CABLES1: variants seen among roughly 807,000 people sequenced by gnomAD.
The protein encoded by CABLES1 is CDK5 and ABL1 enzyme substrate 1.
Under a neutral mutation model 57.8 loss-of-function variants are expected in CABLES1, and 36 were observed. That is an observed-to-expected ratio of 0.62 (90% CI 0.48 to 0.82). The LOEUF (loss-of-function observed/expected upper bound fraction) is 0.82. CABLES1 is among the 40% of genes least tolerant of loss of function. The probability of loss-of-function intolerance (pLI) is 0.00; values close to 1 mark genes in which losing one functional copy is unlikely to be tolerated. For synonymous variants in CABLES1, 374 were observed against 363.0 expected (o/e 1.03, Z -0.35); for missense variants, 767 against 836.6 (o/e 0.92, Z 1.03).
chr18:23,151,295 T>C lies in CABLES1; in HGVS notation c.845+14688T>C, dbSNP rs138217340. Reference sequence around the variant, plus strand: ...GGCCTCCCAAAGTGCTGGGATTACATGCGTGAGCCACTGTGCCGGGCCTCC... The same window carrying C: ...GGCCTCCCAAAGTGCTGGGATTACACGCGTGAGCCACTGTGCCGGGCCTCC... On this transcript the variant is annotated intron_variant, in intron 1 of 9. Transcript: ENST00000256925. Among the ~76,000 whole-genome samples the C allele has an allele frequency of 6.7e-4, 102 of 152,212 alleles. 2 individuals are homozygous for C. The East Asian group carries it at 0.013, about 20-fold the overall frequency.
intron 4 of CABLES1, among the ~76,000 whole-genome samples, 200 bp from the exon 5 acceptor site, chr18:23,234,408 T>C (rs1208614388): frequency 6.6e-6 from 1 of 152,160 alleles, no homozygotes; most frequent in African/African-American, 2.4e-5. Flanking sequence ...TTCTGTTCAG[T>C]TGGATTTCAT....
intron 7 of CABLES1, among the ~76,000 whole-genome samples, chr18:23,249,481 A>C (rs2047984683): frequency 6.6e-6 from 1 of 152,208 alleles, no homozygotes; most frequent in African/African-American, 2.4e-5. Flanking sequence ...AAAACTTGTC[A>C]TGGTGCAGGT....
intron 1 of CABLES1, 88 bp from the exon 2 acceptor site, chr18:23,188,750 T>C (rs2047220616): frequency 5.5e-6 from 5 of 916,546 alleles, no homozygotes; most frequent in Non-Finnish European, 9.1e-6. Context: ...TTCATGTTTT[T>C]GTTTTAGGGT....
intron 1 of CABLES1, among the ~76,000 whole-genome samples, chr18:23,178,465 C>T (rs1370723631): frequency 6.6e-6 from 1 of 152,112 alleles, no homozygotes; most frequent in Admixed American, 6.5e-5. Flanking sequence ...GTCCAGGGAC[C>T]CTGGGCATGT....
At chr18:23,201,730 T>G (rs1484777238) in intron 3 of CABLES1, among the ~76,000 whole-genome samples, 1 of 152,226 alleles carries the variant, frequency 6.6e-6, no homozygotes, top group Non-Finnish European at 1.5e-5. Flanking sequence ...ACTATTGGGA[T>G]GTATCCATGA....
chr18:23,217,634 A>T (rs1334044653), intron 4 of CABLES1, among the ~76,000 whole-genome samples: 1 of 152,204 alleles, frequency 6.6e-6, no homozygotes, highest in East Asian at 1.9e-4. Flanking sequence ...TTTTTTTACT[A>T]ATTGGGAAAC....
intron 1 of CABLES1, among the ~76,000 whole-genome samples, chr18:23,176,246 G>A (rs1372547630): frequency 2.0e-5 from 3 of 152,070 alleles, no homozygotes; most frequent in East Asian, 1.9e-4. Flanking sequence ...GGATGGCTTC[G>A]GGATGAAACT....
At chr18:23,169,627 G>C (rs937189507) in intron 1 of CABLES1, among the ~76,000 whole-genome samples, 1 of 152,120 alleles carries the variant, frequency 6.6e-6, no homozygotes, top group African/African-American at 2.4e-5. Context: ...CTCCCCAGTG[G>C]GTAAAACTTT....
intron 1 of CABLES1, among the ~76,000 whole-genome samples, chr18:23,180,573 G>A (rs2047158143): frequency 6.6e-6 from 1 of 152,136 alleles, no homozygotes; most frequent in African/African-American, 2.4e-5. Context: ...CTAGAGTGCA[G>A]TAATGCGATC....
intron 3 of CABLES1, among the ~76,000 whole-genome samples, chr18:23,206,944 G>T (rs1475422281): frequency 6.6e-6 from 1 of 151,706 alleles, no homozygotes; most frequent in African/African-American, 2.4e-5. Context: ...TTGAGTAGCT[G>T]GGACTACAGG....
At chr18:23,212,012 C>T (rs372047791) in intron 3 of CABLES1, among the ~76,000 whole-genome samples, 15 of 152,308 alleles carry the variant, frequency 9.8e-5, no homozygotes, top group East Asian at 1.9e-4. Context: ...CGTCCGGGCC[C>T]GTGGTATCTG....
intron 3 of CABLES1, among the ~76,000 whole-genome samples, chr18:23,210,612 G>A (rs1267467121): frequency 6.6e-6 from 1 of 152,176 alleles, no homozygotes; most frequent in Non-Finnish European, 1.5e-5. Flanking sequence ...TTGATCACAT[G>A]GGACCTGTTA....
At chr18:23,246,573 A>G (rs968084741) in intron 7 of CABLES1, among the ~76,000 whole-genome samples, 2 of 151,576 alleles carry the variant, frequency 1.3e-5, no homozygotes, top group Non-Finnish European at 2.9e-5. Flanking sequence ...TTGTGTTTTT[A>G]GTAGAGATGG....
rs1447758351 is a variant in CABLES1, at chr18:23,260,443, AC to A, written c.*3077del. On this transcript the variant is annotated 3_prime_UTR_variant, in exon 10 of 10. Coordinates refer to ENST00000256925, the MANE Select transcript of CABLES1 (RefSeq NM_001100619.3). Reference sequence around the variant, plus strand: ...TCCTTCCTGTTCCCTTCATTCCCCAACAGCAAATAAAACTGTTGAATGCTCT... The same window carrying A: ...TCCTTCCTGTTCCCTTCATTCCCCAAAGCAAATAAAACTGTTGAATGCTCT... The A allele has an allele frequency of 2.6e-5, 4 of 152,154 alleles. No homozygotes were observed. The East Asian group carries it at 7.8e-4, about 30-fold the overall frequency. 9.4% of individuals were successfully genotyped at this position (152,154 alleles called of 1,614,324 possible).
At chr18:23,216,300 G>A (rs932085512) in intron 4 of CABLES1, among the ~76,000 whole-genome samples, 2 of 152,114 alleles carry the variant, frequency 1.3e-5, no homozygotes, top group African/African-American at 4.8e-5. Flanking sequence ...ATCAACTTTG[G>A]GCCAGAATGG....
At chr18:23,221,127 G>A (rs1399082719) in intron 4 of CABLES1, among the ~76,000 whole-genome samples, 8 of 152,212 alleles carry the variant, frequency 5.3e-5, no homozygotes, top group Non-Finnish European at 1.0e-4. Flanking sequence ...CATGAAGAAC[G>A]CTTCTCTTTG....
chr18:23,192,387 T>G (rs1462454098), intron 2 of CABLES1, among the ~76,000 whole-genome samples: 1 of 152,226 alleles, frequency 6.6e-6, no homozygotes, highest in Non-Finnish European at 1.5e-5. Context: ...GGCCCTTTTG[T>G]GGCTTTCCAC....
chr18:23,175,101 G>T (rs2047113913), intron 1 of CABLES1, among the ~76,000 whole-genome samples: 1 of 151,838 alleles, frequency 6.6e-6, no homozygotes. Context: ...TATCCTTACT[G>T]TACAACCAAG....
At position 23,257,912 on chromosome 18, in the gene CABLES1, T is replaced by G. The variant is rs1598896768; in HGVS notation, c.*545T>G. ...TGTCTGAGAGATACTGCATCAGCCCTAGACCCCCAGAGCCAGTCCCGCCCT... is the reference window on the plus strand; with the variant it reads ...TGTCTGAGAGATACTGCATCAGCCCGAGACCCCCAGAGCCAGTCCCGCCCT... On this transcript the variant is annotated 3_prime_UTR_variant, in exon 10 of 10. Coordinates refer to ENST00000256925, the MANE Select transcript of CABLES1 (RefSeq NM_001100619.3). 6.6e-6 allele frequency: 1 copy of G among 152,478 alleles called. No individual in the cohort carries two copies. The highest frequency in any genetic ancestry group is 3.4e-3 in the Middle Eastern group (1 of 294). 9.4% of individuals were successfully genotyped at this position (152,478 alleles called of 1,614,324 possible). A position where few individuals can be genotyped will look rare whatever the true frequency, so the allele number is the denominator to read the frequency against.
Sources: allele counts gnomAD v4.1 joint callset (sites outside exome capture counted in the v4.1 genomes callset), GRCh38; gene constraint gnomAD v4.1.1; transcripts MANE v1.5; gene names NCBI Gene and HGNC (gene_info 2026-07-23, HGNC 2026-07-21).